Variants in RTL4 observed in about 807,000 individuals in gnomAD.
RTL4 encodes retrotransposon Gag-like protein 4.
A neutral mutation model predicts 5.3 loss-of-function variants in RTL4; 4 were observed. The observed-to-expected ratio is 0.75, with a 90% confidence interval of 0.37 to 1.72. RTL4 has a LOEUF of 1.72. RTL4 is among the 40% of genes most tolerant of loss of function. The pLI is 0.04. For synonymous variants in RTL4, 98 were observed against 87.3 expected (o/e 1.12, Z -0.68); for missense variants, 260 against 227.1 (o/e 1.14, Z -0.93).
At chrX:112,254,943 G>A in the RTL4 span, among the ~76,000 whole-genome samples, 1 of 111,879 alleles carries the variant, frequency 8.9e-6, no homozygotes, top group African/African-American at 3.2e-5. Context: ...AAGGAACATT[G>A]AGATTAGTTG....
the RTL4 span, among the ~76,000 whole-genome samples, chrX:112,133,763 T>C: frequency 8.9e-6 from 1 of 112,242 alleles, no homozygotes; most frequent in African/African-American, 3.2e-5. Flanking sequence ...GAAAATTTAG[T>C]GAATTAATAT....
chrX:112,376,192 C>G, the RTL4 span, among the ~76,000 whole-genome samples: 1 of 111,513 alleles, frequency 9.0e-6, no homozygotes, highest in Non-Finnish European at 1.9e-5. Context: ...TCCAGTAGTG[C>G]TAAGGTTGAG....
chrX:112,230,096 T>C, the RTL4 span, among the ~76,000 whole-genome samples: 2 of 112,321 alleles, frequency 1.8e-5, no homozygotes, highest in Non-Finnish European at 3.8e-5. Flanking sequence ...GTTATTGCTG[T>C]CTTTTGTTTG....
chrX:112,251,273 T>C, the RTL4 span, among the ~76,000 whole-genome samples: 1 of 112,550 alleles, frequency 8.9e-6, no homozygotes, highest in Admixed American at 9.4e-5. Context: ...GTTAGATTTT[T>C]GCTTCTTGGG....
At chrX:112,239,972 AATCAACAAGC>A in the RTL4 span, among the ~76,000 whole-genome samples, 1 of 112,352 alleles carries the variant, frequency 8.9e-6, no homozygotes, top group Non-Finnish European at 1.9e-5. Flanking sequence ...ATGAAAAGAT[AATCAACAAGC>A]ATCAACAATG....
chrX:112,111,529 G>A, the RTL4 span, among the ~76,000 whole-genome samples: 1 of 112,857 alleles, frequency 8.9e-6, no homozygotes, highest in African/African-American at 3.2e-5. Context: ...GGTTCCCCCA[G>A]AGGTTAGGAA....
At chrX:112,172,894 C>T in the RTL4 span, among the ~76,000 whole-genome samples, 6 of 109,071 alleles carry the variant, frequency 5.5e-5, no homozygotes, top group Non-Finnish European at 9.5e-5. Flanking sequence ...CCTCAGCAAA[C>T]TAATGCAGGA....
chrX:112,285,006 GC>G, the RTL4 span, among the ~76,000 whole-genome samples: 1 of 111,897 alleles, frequency 8.9e-6, no homozygotes, highest in East Asian at 2.8e-4. Flanking sequence ...TATAACCTAA[GC>G]CAAACTGGCT....
the RTL4 span, among the ~76,000 whole-genome samples, chrX:112,344,815 A>G: frequency 8.9e-6 from 1 of 112,052 alleles, no homozygotes; most frequent in Non-Finnish European, 1.9e-5. Context: ...GGTAATTTAT[A>G]AAGGAAAGAG....
At chrX:112,405,843 C>T in the RTL4 span, among the ~76,000 whole-genome samples, 1 of 110,964 alleles carries the variant, frequency 9.0e-6, no homozygotes, top group Non-Finnish European at 1.9e-5. Flanking sequence ...GAAAAAAAGA[C>T]TTGAATCACC....
chrX:112,313,812 T>A, the RTL4 span, among the ~76,000 whole-genome samples: 11 of 110,015 alleles, frequency 1.0e-4, no homozygotes, highest in East Asian at 2.9e-3. Context: ...CCAGCAAATG[T>A]CACTCAAATG....
the RTL4 span, among the ~76,000 whole-genome samples, chrX:112,373,155 A>G: frequency 8.9e-6 from 1 of 111,738 alleles, no homozygotes; most frequent in Non-Finnish European, 1.9e-5. Flanking sequence ...ACTGTTGGGT[A>G]TATACCTAGA....
chrX:112,112,388 C>T, the RTL4 span, among the ~76,000 whole-genome samples: 1 of 111,457 alleles, frequency 9.0e-6, no homozygotes, highest in African/African-American at 3.3e-5. Flanking sequence ...TATAGAGGGG[C>T]CTGGCTATCT....
chrX:112,443,254 G>A, the RTL4 span, among the ~76,000 whole-genome samples: 1 of 112,055 alleles, frequency 8.9e-6, no homozygotes, highest in Non-Finnish European at 1.9e-5. Context: ...TGTTGCAAAT[G>A]ACTGAATTTC....
the RTL4 span, among the ~76,000 whole-genome samples, chrX:112,370,016 T>G: frequency 2.7e-5 from 3 of 112,002 alleles, no homozygotes; most frequent in South Asian, 1.1e-3. Context: ...GAGTTTAGTT[T>G]TGAACTTGGT....
chrX:112,281,858 G>T, the RTL4 span, among the ~76,000 whole-genome samples: 1 of 111,859 alleles, frequency 8.9e-6, no homozygotes, highest in African/African-American at 3.2e-5. Context: ...CTATTGGGTT[G>T]TTTGAGTTCC....
At chrX:112,453,301 C>T (rs377235710), upstream of RTL4, among the ~76,000 whole-genome samples, 4 of 111,757 alleles carry the variant, frequency 3.6e-5, no homozygotes, top group South Asian at 1.1e-3. Flanking sequence ...ATTTAAATAG[C>T]ATGCTACACA....
At chrX:112,083,799 A>G in the RTL4 span, among the ~76,000 whole-genome samples, 2 of 111,432 alleles carry the variant, frequency 1.8e-5, no homozygotes, top group Non-Finnish European at 3.8e-5. Flanking sequence ...CTTGAGCCCA[A>G]CTGGAAGGGG....
the RTL4 span, among the ~76,000 whole-genome samples, chrX:112,325,782 A>G: frequency 8.9e-6 from 1 of 112,698 alleles, no homozygotes; most frequent in East Asian, 2.8e-4. Flanking sequence ...AATGGCAACA[A>G]AAGCCAAAAT....
Sources: allele counts gnomAD v4.1 joint callset (sites outside exome capture counted in the v4.1 genomes callset), GRCh38; gene constraint gnomAD v4.1.1; transcripts MANE v1.5; gene names NCBI Gene and HGNC (gene_info 2026-07-23, HGNC 2026-07-21).